The following WAPL variants were observed in gnomAD, a reference collection of about 807,000 sequenced individuals.
WAPL encodes the protein WAPL cohesin release factor, also known as wings apart-like protein homolog.
A neutral mutation model predicts 121.0 loss-of-function variants in WAPL; 5 were observed. The observed-to-expected ratio is 0.04, with a 90% CI of 0.02 to 0.09. The LOEUF is 0.09. WAPL is among the 10% of genes least tolerant of loss of function. The pLI, the probability that WAPL is intolerant of heterozygous loss-of-function variation, is 1.00. For missense variants in WAPL, 999 were observed against 1,410.8 expected, an observed-to-expected ratio of 0.71 and a Z score of 4.68; for synonymous variants, 480 against 481.5, an observed-to-expected ratio of 1.00 and a Z score of 0.04.
At position 86,452,004 on chromosome 10, in the gene WAPL, A is replaced by G. The variant is rs1840992817; in HGVS notation, c.3077T>C (p.Ile1026Thr). ...CSGEGDDSLR[I>T]GGQVHAVQAL... ...CTGGACAGCATGAACTTGTCCACCT[A>G]TCCTTAAACTATCATCCCCTTCTCC... The change falls in exon 15 of 19, where the codon ATA (isoleucine) becomes ACA (threonine). Residue 1026 changes from isoleucine (I) to threonine (T), a missense_variant. By Grantham distance (89) the Ile-to-Thr change is moderately conservative. Around this residue, in one of 7 missense-constraint regions of WAPL, gnomAD observed 126 missense variants for 144.0 expected, o/e 0.87. Transcript: ENST00000298767. 11 of 1,614,178 alleles carry G rather than the reference A, an allele frequency of 6.8e-6. No individual in the cohort carries two copies. The East Asian group carries it at 2.5e-4, about 36-fold the overall frequency.
At chr10:86,460,763 G>C (rs545664737) in intron 10 of WAPL, among the ~76,000 whole-genome samples, 69 of 151,564 alleles carry the variant, frequency 4.6e-4, no homozygotes, top group Non-Finnish European at 8.8e-4. Context: ...GCCCAGGCTG[G>C]AGTGCAATGG....
chr10:86,473,987 A>T lies in WAPL; in HGVS notation c.1645-14T>A. 1 of 1,600,122 alleles carries T rather than the reference A, an allele frequency of 6.2e-7. No individual in the cohort carries two copies. ...TTTTGTGGGTGACTAGAGAAATGAG[A>T]GAAAGATCAACTGCTTCCATCCTTA... On this transcript the variant is annotated splice_polypyrimidine_tract_variant and intron_variant, in intron 4 of 18. Coordinates refer to ENST00000298767, the MANE Select transcript of WAPL (RefSeq NM_015045.5).
chr10:86,481,460 G>A lies in WAPL; in HGVS notation c.1645-7487C>T, dbSNP rs182328787. Reference sequence around the variant, plus strand: ...GCGATCTTGGCTCACTGCAACCTCCGCCTCCCAGATTCATGCGATTCTCCT... The same window carrying A: ...GCGATCTTGGCTCACTGCAACCTCCACCTCCCAGATTCATGCGATTCTCCT... On this transcript the variant is annotated intron_variant, in intron 4 of 18. Transcript: ENST00000298767. 6.7e-3 allele frequency among the ~76,000 whole-genome samples: 1,027 copies of A among 152,150 alleles called. 5 individuals carry two copies. Among genetic ancestry groups the A allele is most frequent in the Non-Finnish European group, 9.3e-3 (629 of 67,992 alleles).
At chr10:86,498,238 G>A (rs757604722) in intron 3 of WAPL, among the ~76,000 whole-genome samples, 8 of 152,202 alleles carry the variant, frequency 5.3e-5, no homozygotes, top group Non-Finnish European at 8.8e-5. Flanking sequence ...ACTACAGCAG[G>A]ACAAGGGCGC....
intron 1 of WAPL, among the ~76,000 whole-genome samples, chr10:86,519,634 A>G (rs1377965136): frequency 6.6e-6 from 1 of 152,212 alleles, no homozygotes; most frequent in Non-Finnish European, 1.5e-5. Context: ...TAACACTAAC[A>G]AGTCTTACTG....
Position 86,456,696 on chromosome 10 carries a change from C to T in WAPL, c.2657+2293G>A, listed in dbSNP as rs114201720. ...CAACCCTTTGGTCAGGAAGGTGTTC[C>T]TCATGTCTAACCTAAAATAATTTGT... On this transcript the variant is annotated intron_variant, in intron 12 of 18. Coordinates refer to ENST00000298767, the MANE Select transcript of WAPL (RefSeq NM_015045.5). 5.4e-3 allele frequency among the ~76,000 whole-genome samples: 822 copies of T among 152,278 alleles called. 7 individuals carry two copies. Among genetic ancestry groups the T allele is most frequent in the African/African-American group, 0.019 (784 of 41,560 alleles).
At chr10:86,495,553 C>A (rs34299278) in intron 4 of WAPL, among the ~76,000 whole-genome samples, 3 of 151,668 alleles carry the variant, frequency 2.0e-5, no homozygotes, top group South Asian at 4.2e-4. Context: ...CTAAACGTAA[C>A]GACCTAAAAC....
intron 1 of WAPL, among the ~76,000 whole-genome samples, chr10:86,520,120 A>G (rs575222881): frequency 7.2e-5 from 11 of 152,272 alleles, no homozygotes; most frequent in Admixed American, 7.2e-4. Flanking sequence ...ACATGGAGAA[A>G]CCACGTTTCT....
chr10:86,496,235 C>G lies in WAPL; in HGVS notation c.1644+966G>C, dbSNP rs947421624. 3.9e-5 allele frequency among the ~76,000 whole-genome samples: 6 copies of G among 152,262 alleles called. No individual in the cohort carries two copies. The East Asian group carries it at 1.2e-3, about 29-fold the overall frequency. ...AATCATTAGTGAAGTGCAAATCAAA[C>G]CACAATGAGATACCACTTCACACCC... is the stretch of plus-strand genomic sequence containing the variant. On this transcript the variant is annotated intron_variant, in intron 4 of 18. Transcript: ENST00000298767.
chr10:86,439,792 T>C (rs1426516291), intron 17 of WAPL, among the ~76,000 whole-genome samples: 1 of 152,104 alleles, frequency 6.6e-6, no homozygotes, highest in African/African-American at 2.4e-5. Flanking sequence ...GTCCCAGGAA[T>C]GGAGGGGCAA....
chr10:86,492,296 C>T (rs11492864), intron 4 of WAPL, among the ~76,000 whole-genome samples: 17,760 of 152,006 alleles, frequency 0.12, 1,216 homozygotes, highest in Middle Eastern at 0.17. Context: ...TAAGAAATAA[C>T]GATTAGAAAA....
At chr10:86,483,001 T>C (rs1018620593) in intron 4 of WAPL, among the ~76,000 whole-genome samples, 1 of 152,196 alleles carries the variant, frequency 6.6e-6, no homozygotes, top group African/African-American at 2.4e-5. Context: ...AACGGTGGTC[T>C]CATAAGATTT....
intron 4 of WAPL, among the ~76,000 whole-genome samples, chr10:86,495,293 C>G (rs1468127335): frequency 6.6e-6 from 1 of 152,062 alleles, no homozygotes; most frequent in East Asian, 1.9e-4. Flanking sequence ...AAACTGAAAC[C>G]ACGTCTCTAC....
In WAPL at chr10:86,500,449, T is replaced by A; in HGVS notation, c.794A>T (p.Asp265Val). Residue 265 changes from aspartate to valine, a missense_variant, in exon 3 of 19, where the codon GAT becomes GTT. By Grantham distance (152) the Asp-to-Val change is radical. Around this residue, in one of 7 missense-constraint regions of WAPL, gnomAD observed 531 missense variants for 563.1 expected, o/e 0.94. Transcript: ENST00000298767. Reference sequence around the variant, plus strand: ...TTCCAATCGATTTTTAAAATCGTCATCCTTCATCTCCAAAAGGGGATCACT... The same window carrying A: ...TTCCAATCGATTTTTAAAATCGTCAACCTTCATCTCCAAAAGGGGATCACT... ...LDSDPLLEMK[D>V]DDFKNRLENL... 6.2e-7 allele frequency: 1 copy of A among 1,614,236 alleles called. No individual in the cohort carries two copies. Among genetic ancestry groups the A allele is most frequent in the Non-Finnish European group, 8.5e-7 (1 of 1,180,050 alleles).
At chr10:86,448,606 C>A (rs1036851641) in intron 15 of WAPL, among the ~76,000 whole-genome samples, 3 of 152,094 alleles carry the variant, frequency 2.0e-5, no homozygotes, top group Admixed American at 6.5e-5. Context: ...ATATAAAACA[C>A]ATTGCACATT....
At chr10:86,451,222 G>A (rs750282645) in intron 15 of WAPL, among the ~76,000 whole-genome samples, 4 of 151,830 alleles carry the variant, frequency 2.6e-5, no homozygotes, top group Admixed American at 1.3e-4. Context: ...GATTACAGGC[G>A]TAAGCCACTG....
chr10:86,444,601 T>C (rs533511817), intron 16 of WAPL, among the ~76,000 whole-genome samples: 2 of 152,238 alleles, frequency 1.3e-5, no homozygotes, highest in East Asian at 3.9e-4. Context: ...CCTTTTTAAA[T>C]GGAATGTCCA....
chr10:86,440,534 T>C (rs1849439868), intron 17 of WAPL, among the ~76,000 whole-genome samples: 1 of 151,960 alleles, frequency 6.6e-6, no homozygotes, highest in Non-Finnish European at 1.5e-5. Context: ...CTCCTGACCT[T>C]GTGATCTGCC....
intron 12 of WAPL, among the ~76,000 whole-genome samples, chr10:86,456,437 C>A (rs1020135832): frequency 6.7e-6 from 1 of 149,632 alleles, no homozygotes; most frequent in Admixed American, 6.6e-5. Context: ...CAAGATACTA[C>A]CCAAAATAAC....
Sources: allele counts gnomAD v4.1 joint callset (sites outside exome capture counted in the v4.1 genomes callset), GRCh38; gene constraint gnomAD v4.1.1; regional missense constraint gnomAD v4.1.1; transcripts MANE v1.5; gene names NCBI Gene and HGNC (gene_info 2026-07-23, HGNC 2026-07-21).